The following LRP4 variants were observed in gnomAD, a reference collection of about 807,000 sequenced individuals.
LRP4 encodes LDL receptor related protein 4, also known as low-density lipoprotein receptor-related protein 4.
Under a neutral mutation model 220.3 loss-of-function variants are expected in LRP4, and 95 were observed. The ratio of observed to expected loss-of-function variants is 0.43; its 90% CI spans 0.37 to 0.51. The LOEUF (loss-of-function observed/expected upper bound fraction) is 0.51, where lower values mean the gene tolerates loss of function less well. Ranked by LOEUF, LRP4 falls within the 20% of genes least tolerant of loss-of-function variation. The pLI, the probability that LRP4 is intolerant of heterozygous loss-of-function variation, is 0.00. For missense variants in LRP4, 1,925 were observed against 2,567.0 expected, an observed-to-expected ratio of 0.75 and a Z score of 5.40; for synonymous variants, 903 against 954.6, an observed-to-expected ratio of 0.95 and a Z score of 1.00.
chr11:46,900,872 C>T (rs562374534), intron 2 of LRP4, among the ~76,000 whole-genome samples: 2 of 151,666 alleles, frequency 1.3e-5, no homozygotes, highest in East Asian at 1.9e-4. Flanking sequence ...CTGCAACCAC[C>T]GCCTCCTGGG....
At chr11:46,886,663 A>C in intron 16 of LRP4, 130 bp from the exon 17 acceptor site, 1 of 760,740 alleles carries the variant, frequency 1.3e-6, no homozygotes, top group Non-Finnish European at 2.3e-6. Context: ...TGCCCCCTAT[A>C]CTTTATACCT....
intron 37 of LRP4, among the ~76,000 whole-genome samples, chr11:46,862,249 G>T (rs1052653786): frequency 6.6e-6 from 1 of 152,116 alleles, no homozygotes; most frequent in Non-Finnish European, 1.5e-5. Context: ...GGTGTTGTCT[G>T]GGAGAGCTCC....
intron 15 of LRP4, 46 bp downstream of exon 15, chr11:46,889,898 C>T: frequency 6.2e-7 from 1 of 1,611,540 alleles, no homozygotes; most frequent in Non-Finnish European, 8.5e-7. Context: ...CAGAGGCCAC[C>T]TCAACCATGA....
intron 7 of LRP4, among the ~76,000 whole-genome samples, chr11:46,898,275 T>A (rs1941586518): frequency 6.6e-6 from 1 of 152,246 alleles, no homozygotes; most frequent in African/African-American, 2.4e-5. Context: ...AACCTCTGCC[T>A]CCTAGGTTCA....
intron 16 of LRP4, among the ~76,000 whole-genome samples, chr11:46,888,302 C>A (rs1445761622): frequency 2.9e-4 from 44 of 150,184 alleles, no homozygotes; most frequent in African/African-American, 9.8e-4. Flanking sequence ...GCCTGTAATG[C>A]CAGCACTTTG....
rs556221682 is a variant in LRP4, at chr11:46,885,500, G to C, written c.2506+591C>G. Among the ~76,000 whole-genome samples, 3 of 152,204 alleles carry C rather than the reference G, an allele frequency of 2.0e-5. No individual in the cohort carries two copies. In the East Asian group the frequency reaches 5.8e-4, roughly 29 times the overall value. ...TTAAAAATGCCTGATTTGGCTAGGC[G>C]CGGTGGCTCACACCTGTAATCCCAG... On this transcript the variant is annotated intron_variant, in intron 18 of 37. Coordinates refer to ENST00000378623, the MANE Select transcript of LRP4 (RefSeq NM_002334.4).
chr11:46,881,057 C>CAAA (rs1941143454), intron 20 of LRP4, among the ~76,000 whole-genome samples: 2 of 12,474 alleles, frequency 1.6e-4, no homozygotes, highest in East Asian at 0.023. Context: ...CTCTAAAAAA[C>CAAA]CAAAAAAAAA....
intron 8 of LRP4, 25 bp downstream of exon 8, chr11:46,896,844 T>G: frequency 1.2e-6 from 2 of 1,614,010 alleles, no homozygotes; most frequent in Non-Finnish European, 1.7e-6. Context: ...GGCTAAGGGT[T>G]CTGGGGCACC....
chr11:46,862,516 C>G, intron 37 of LRP4, 90 bp downstream of exon 37: 2 of 1,278,626 alleles, frequency 1.6e-6, no homozygotes, highest in South Asian at 2.4e-5. Flanking sequence ...GATTACTCAG[C>G]AGCCGTTACT....
At position 46,899,433 on chromosome 11, in the gene LRP4, G is replaced by C; in HGVS notation, c.501C>G (p.Cys167Trp). ...CATCTTTGCAGTCGGTGTCACCGTC[G>C]CAGTACCAATGCTCAGCAATGCAGC... ...DGSCIAEHWY[C>W]DGDTDCKDGS... The change falls in exon 5 of 38, where the codon TGC becomes TGG. Residue 167 changes from cysteine to tryptophan, a missense_variant. Cys to Trp is a radical substitution (Grantham distance 215, BLOSUM62 -2). Around this residue, in one of 3 missense-constraint regions of LRP4, gnomAD observed 412 missense variants for 505.4 expected, o/e 0.82. Transcript: ENST00000378623. This position sits in a 1 kb window ranked among gnomAD's most constrained non-coding sequence, Gnocchi z 5.9. 1 of 1,614,074 alleles carries C rather than the reference G, an allele frequency of 6.2e-7. No individual in the cohort carries two copies. Among genetic ancestry groups the C allele is most frequent in the Non-Finnish European group, 8.5e-7 (1 of 1,179,998 alleles).
Position 46,894,824 on chromosome 11 carries a change from G to A in LRP4, c.1310-5C>T, listed in dbSNP as rs765994523. On this transcript the variant is annotated splice_region_variant and splice_polypyrimidine_tract_variant and intron_variant, in intron 11 of 37. Coordinates refer to ENST00000378623, the MANE Select transcript of LRP4 (RefSeq NM_002334.4). ...ACAGCAGCACAGGCTCTGGCCCTGG[G>A]AAACAGTATAAACATGGGATACCCA... The A allele has an allele frequency of 1.9e-6, 3 of 1,613,404 alleles. No individual in the cohort carries two copies. Among genetic ancestry groups the A allele is most frequent in the Non-Finnish European group, 2.5e-6 (3 of 1,179,362 alleles).
intron 9 of LRP4, 60 bp from the exon 10 acceptor site, chr11:46,896,078 T>C: frequency 6.2e-7 from 1 of 1,613,164 alleles, no homozygotes; most frequent in Non-Finnish European, 8.5e-7. Flanking sequence ...GAGAGCCAAC[T>C]TGGCATTCCA....
intron 15 of LRP4, 71 bp from the exon 16 acceptor site, chr11:46,889,604 G>T: frequency 6.3e-7 from 1 of 1,592,972 alleles, no homozygotes; most frequent in South Asian, 1.1e-5. Flanking sequence ...AGGGAATAGG[G>T]GTTTAGGTAG....
At chr11:46,888,458 CAGG>C (rs1318769215) in intron 16 of LRP4, among the ~76,000 whole-genome samples, 1 of 138,566 alleles carries the variant, frequency 7.2e-6, no homozygotes, top group East Asian at 2.3e-4. Context: ...GAAGCTAAGG[CAGG>C]AGAATAGCTT....
At position 46,858,743 on chromosome 11, in the gene LRP4, A is replaced by G. The variant is rs1940447091; in HGVS notation, c.*240T>C. On this transcript the variant is annotated 3_prime_UTR_variant, in exon 38 of 38. Coordinates refer to ENST00000378623, the MANE Select transcript of LRP4 (RefSeq NM_002334.4). ...TTCAGGGGGCCCAGGATGGAGTACA[A>G]GATGTGAGGTTCATGGTAAAATCCA... 1.8e-6 allele frequency: 1 copy of G among 569,526 alleles called. No homozygotes were observed. 35.3% of individuals were successfully genotyped at this position (569,526 alleles called of 1,614,324 possible).
chr11:46,906,432 G>A (rs994534567), intron 1 of LRP4, among the ~76,000 whole-genome samples: 7 of 151,776 alleles, frequency 4.6e-5, no homozygotes, highest in Admixed American at 1.3e-4. Flanking sequence ...CTGCAGCCTG[G>A]GCAACACAGC....
chr11:46,893,374 C>G (rs903919167), intron 12 of LRP4, among the ~76,000 whole-genome samples: 1 of 152,164 alleles, frequency 6.6e-6, no homozygotes, highest in African/African-American at 2.4e-5. Context: ...TTCCTCCTCA[C>G]AGTCAACCAT....
chr11:46,887,420 C>T (rs1941319573), intron 16 of LRP4, among the ~76,000 whole-genome samples: 1 of 152,164 alleles, frequency 6.6e-6, no homozygotes, highest in Non-Finnish European at 1.5e-5. Flanking sequence ...AGGAAAGGGC[C>T]AGGCATGGTG....
chr11:46,864,027 C>A (rs759514131), intron 36 of LRP4, among the ~76,000 whole-genome samples: 20 of 152,066 alleles, frequency 1.3e-4, no homozygotes, highest in Non-Finnish European at 2.2e-4. Context: ...TGCTACTGAG[C>A]AAAGATGTAC....
Sources: allele counts gnomAD v4.1 joint callset (sites outside exome capture counted in the v4.1 genomes callset), GRCh38; gene constraint gnomAD v4.1.1; regional missense constraint gnomAD v4.1.1; non-coding constraint Gnocchi (gnomAD v3.1); transcripts MANE v1.5; gene names NCBI Gene and HGNC (gene_info 2026-07-23, HGNC 2026-07-21).